The following EXTL3 variants were observed in gnomAD, a reference collection of about 807,000 sequenced individuals.
EXTL3 encodes exostosin like glycosyltransferase 3.
In EXTL3, 27 loss-of-function variants were observed where a neutral mutation model predicts 69.3. That is an observed-to-expected ratio of 0.39 (90% CI 0.29 to 0.54). EXTL3 has a LOEUF of 0.54. EXTL3 is among the 20% of genes least tolerant of loss of function. The pLI, the probability that EXTL3 is intolerant of heterozygous loss-of-function variation, is 0.69. For missense variants in EXTL3, 1,003 were observed against 1,231.8 expected, an observed-to-expected ratio of 0.81 and a Z score of 2.78; for synonymous variants, 511 against 499.4, an observed-to-expected ratio of 1.02 and a Z score of -0.31.
chr8:28,684,124 G>A (rs1474172424), intron 1 of EXTL3, among the ~76,000 whole-genome samples: 11 of 152,098 alleles, frequency 7.2e-5, no homozygotes, highest in Non-Finnish European at 5.9e-5. Flanking sequence ...TTTATATGGT[G>A]GAATAGTCCT....
intron 1 of EXTL3, among the ~76,000 whole-genome samples, chr8:28,644,421 C>T (rs1292522883): frequency 6.6e-6 from 1 of 151,988 alleles, no homozygotes; most frequent in East Asian, 1.9e-4. Flanking sequence ...ATGTTTGGCC[C>T]AGTGCGGTGG....
In EXTL3 at chr8:28,750,877, C is replaced by T. The variant is rs368342076; in HGVS notation, c.*11C>T. 5.0e-5 allele frequency: 81 copies of T among 1,611,760 alleles called. 1 individual carries two copies. Among genetic ancestry groups the T allele is most frequent in the African/African-American group, 1.9e-4 (14 of 74,894 alleles). Reference sequence around the variant, plus strand: ...TTCAAGTTCATCTAGGGGCAGCGCACGGTCTGGGGAAGAGGATGAGCAGAG... The same window carrying T: ...TTCAAGTTCATCTAGGGGCAGCGCATGGTCTGGGGAAGAGGATGAGCAGAG... On this transcript the variant is annotated 3_prime_UTR_variant, in exon 7 of 7. Transcript: ENST00000220562. The surrounding 1 kb of genome is among the most constrained non-coding windows in gnomAD (Gnocchi z 5.2).
upstream of EXTL3, chr8:28,701,414 G>A (rs913843650): frequency 6.6e-6 from 1 of 150,932 alleles, no homozygotes; most frequent in Non-Finnish European, 1.5e-5. Flanking sequence ...ACGCGGTCGG[G>A]AAAGTGGCGA....
chr8:28,712,960 C>T (rs1801061165), intron 1 of EXTL3, among the ~76,000 whole-genome samples: 1 of 148,688 alleles, frequency 6.7e-6, no homozygotes, highest in Admixed American at 6.7e-5. Context: ...CAAAAGAGAG[C>T]CTGATATAAT....
intron 1 of EXTL3, among the ~76,000 whole-genome samples, chr8:28,662,191 C>G (rs1223181463): frequency 6.6e-6 from 1 of 151,880 alleles, no homozygotes; most frequent in African/African-American, 2.4e-5. Context: ...TGGACAAGCT[C>G]TCCTTGAAAC....
upstream of EXTL3, chr8:28,697,772 G>A (rs570262305): frequency 6.7e-6 from 1 of 149,044 alleles, no homozygotes; most frequent in South Asian, 2.1e-4. Context: ...GTTGCAGTGA[G>A]CCAAAATCAC....
At chr8:28,617,643 G>T (rs557197618) in intron 2 of EXTL3, among the ~76,000 whole-genome samples, 1 of 152,274 alleles carries the variant, frequency 6.6e-6, no homozygotes, top group East Asian at 1.9e-4. Context: ...AATCAGCCAG[G>T]TGTGATGGCA....
intron 1 of EXTL3, among the ~76,000 whole-genome samples, chr8:28,668,469 T>C (rs1344989972): frequency 6.6e-6 from 1 of 151,204 alleles, no homozygotes. Flanking sequence ...GTAGCTGGGA[T>C]TACAGCCACA....
chr8:28,739,882 C>T (rs1700373185), intron 5 of EXTL3: 1 of 152,194 alleles, frequency 6.6e-6, no homozygotes, highest in Admixed American at 6.5e-5. Flanking sequence ...AGCGTCTACT[C>T]ATACCTTGAG....
At chr8:28,744,892 G>A (rs1198119080) in intron 6 of EXTL3, among the ~76,000 whole-genome samples, 2 of 152,164 alleles carry the variant, frequency 1.3e-5, no homozygotes, top group African/African-American at 4.8e-5. Context: ...GAATCCAGGA[G>A]GCAGAGATTG....
At chr8:28,677,439 G>A (rs1807406224) in intron 1 of EXTL3, among the ~76,000 whole-genome samples, 1 of 152,100 alleles carries the variant, frequency 6.6e-6, no homozygotes, top group African/African-American at 2.4e-5. Context: ...GGGATGACTC[G>A]CTACAGATGA....
At chr8:28,738,466 C>CT (rs1801699212) in intron 5 of EXTL3, among the ~76,000 whole-genome samples, 2 of 152,174 alleles carry the variant, frequency 1.3e-5, no homozygotes, top group Non-Finnish European at 2.9e-5. Flanking sequence ...TTTTTACTGT[C>CT]TCTTTTTACT....
At chr8:28,618,737 T>C (rs7016096), upstream of EXTL3, among the ~76,000 whole-genome samples, 11,187 of 151,968 alleles carry the variant, frequency 0.074, 1,124 homozygotes, top group African/African-American at 0.23. Flanking sequence ...AAATAGGCTC[T>C]AGCCCAGCTC....
chr8:28,638,166 T>C (rs1806685611), intron 1 of EXTL3, among the ~76,000 whole-genome samples: 1 of 152,202 alleles, frequency 6.6e-6, no homozygotes, highest in South Asian at 2.1e-4. Flanking sequence ...TGTACCCATC[T>C]TCTTGGAATT....
At position 28,750,614 on chromosome 8, in the gene EXTL3, T is replaced by C. The variant is rs747357975; in HGVS notation, c.2551-43T>C. On this transcript the variant is annotated intron_variant, in intron 6 of 6. Transcript: ENST00000220562. The surrounding 1 kb of genome is among the most constrained non-coding windows in gnomAD (Gnocchi z 5.2). ...GGCTCAGCTGCAAGGGTTCTGTCAG[T>C]ATTAGCTGGGATTCCCACTCTGTCT... 4.0e-6 allele frequency: 6 copies of C among 1,500,338 alleles called. No individual in the cohort carries two copies. Among genetic ancestry groups the C allele is most frequent in the African/African-American group, 1.4e-5 (1 of 72,552 alleles). The allele number at this position is 1,500,338 out of a possible 1,614,324, so 92.9% of individuals were successfully genotyped here. A position where few individuals can be genotyped will look rare whatever the true frequency, so the allele number is the denominator to read the frequency against.
intron 1 of EXTL3, among the ~76,000 whole-genome samples, chr8:28,702,117 T>C (rs987689154): frequency 6.6e-6 from 1 of 152,166 alleles, no homozygotes; most frequent in African/African-American, 2.4e-5. Context: ...GAGGCGCAGC[T>C]CCGGACTACC....
At chr8:28,739,141 T>A (rs1801722047) in intron 5 of EXTL3, among the ~76,000 whole-genome samples, 1 of 152,170 alleles carries the variant, frequency 6.6e-6, no homozygotes, top group African/African-American at 2.4e-5. Context: ...GAGGTCTGCG[T>A]TTGTATATTT....
intron 1 of EXTL3, among the ~76,000 whole-genome samples, chr8:28,673,603 G>C (rs771337249): frequency 0.016 from 2,377 of 152,192 alleles, 33 homozygotes; most frequent in Middle Eastern, 0.027. Flanking sequence ...CTGGTCATGG[G>C]ACTTACTATC....
chr8:28,726,268 T>C (rs1049451425), intron 3 of EXTL3, among the ~76,000 whole-genome samples: 2 of 152,182 alleles, frequency 1.3e-5, no homozygotes, highest in Admixed American at 6.5e-5. Flanking sequence ...TTTAGAAATG[T>C]TTGAGCCTTT....
Sources: allele counts gnomAD v4.1 joint callset (sites outside exome capture counted in the v4.1 genomes callset), GRCh38; gene constraint gnomAD v4.1.1; non-coding constraint Gnocchi (gnomAD v3.1); transcripts MANE v1.5; gene names NCBI Gene and HGNC (gene_info 2026-07-23, HGNC 2026-07-21).